The following UBE2QL1 variants were observed in gnomAD, a reference collection of about 807,000 sequenced individuals.
The protein encoded by UBE2QL1 is ubiquitin-conjugating enzyme E2Q-like protein 1.
A neutral mutation model predicts 12.6 loss-of-function variants in UBE2QL1; 5 were observed. That is an observed-to-expected ratio of 0.40 (90% CI 0.21 to 0.83). UBE2QL1 has a LOEUF of 0.83. Ranked by LOEUF, UBE2QL1 falls within the 40% of genes least tolerant of loss-of-function variation. UBE2QL1 has a pLI of 0.37. For synonymous variants in UBE2QL1, 96 were observed against 94.5 expected (o/e 1.02, Z -0.10); for missense variants, 99 against 222.6 (o/e 0.44, Z 3.53).
chr5:6,464,966 A>G (rs996698668), intron 1 of UBE2QL1, among the ~76,000 whole-genome samples: 2 of 151,706 alleles, frequency 1.3e-5, no homozygotes, highest in South Asian at 2.1e-4. Context: ...CTTTTTAACT[A>G]TAACTAGCAT....
Position 6,476,083 on chromosome 5 carries a change from G to T in UBE2QL1, c.355-15135G>T, listed in dbSNP as rs1215784079. Among the ~76,000 whole-genome samples the T allele has an allele frequency of 1.3e-5, 2 of 152,152 alleles. No homozygotes were observed. The highest frequency in any genetic ancestry group is 2.9e-5 in the Non-Finnish European group (2 of 68,016). ...AACACTTTCAGGACTTCAAAATCAG[G>T]GTGGGGTATGCCTGCTTAGTCATGG... is the stretch of plus-strand genomic sequence containing the variant. On this transcript the variant is annotated intron_variant, in intron 1 of 1. Transcript: ENST00000399816. The surrounding 1 kb of genome is among the most constrained non-coding windows in gnomAD (Gnocchi z 4.9).
chr5:6,472,292 C>T (rs1372326907), intron 1 of UBE2QL1, among the ~76,000 whole-genome samples: 1 of 152,210 alleles, frequency 6.6e-6, no homozygotes, highest in East Asian at 1.9e-4. Flanking sequence ...TATGGCTACT[C>T]ACCTGCAAGT....
intron 1 of UBE2QL1, among the ~76,000 whole-genome samples, chr5:6,463,598 GTTATTATTA>G (rs149126743): frequency 0.016 from 2,246 of 137,284 alleles, 39 homozygotes; most frequent in African/African-American, 0.048. Context: ...TATTTGTGCT[GTTATTATTA>G]TTATTATTAT....
chr5:6,476,221 A>ACAC lies in UBE2QL1; in HGVS notation c.355-14995_355-14993dup, dbSNP rs1352096577. ...GGGTCCCGATGTTTGTGCAGAGGAG[A>ACAC]CACCTCTGCTGCCTCTGCAGAGCCT... On this transcript the variant is annotated intron_variant, in intron 1 of 1. Coordinates refer to ENST00000399816, the MANE Select transcript of UBE2QL1 (RefSeq NM_001145161.3). This position sits in a 1 kb window ranked among gnomAD's most constrained non-coding sequence, Gnocchi z 4.9. Among the ~76,000 whole-genome samples the ACAC allele has an allele frequency of 6.6e-6, 1 of 151,922 alleles. No individual in the cohort carries two copies. Among genetic ancestry groups the ACAC allele is most frequent in the Non-Finnish European group, 1.5e-5 (1 of 67,968 alleles).
chr5:6,483,484 G>A (rs772953112), intron 1 of UBE2QL1, among the ~76,000 whole-genome samples: 33 of 151,986 alleles, frequency 2.2e-4, no homozygotes, highest in South Asian at 1.5e-3. Context: ...TGTGATGCAC[G>A]GCAGGTGTGT....
intron 1 of UBE2QL1, among the ~76,000 whole-genome samples, chr5:6,459,361 G>T (rs896986340): frequency 6.6e-6 from 1 of 152,178 alleles, no homozygotes; most frequent in African/African-American, 2.4e-5. Flanking sequence ...ATTTAAGAGG[G>T]TATCCTGGCA....
intron 1 of UBE2QL1, among the ~76,000 whole-genome samples, chr5:6,485,659 T>C (rs994995391): frequency 6.6e-6 from 1 of 152,210 alleles, no homozygotes; most frequent in African/African-American, 2.4e-5. Context: ...CTCTGTAATT[T>C]TGGCTCAGGA....
rs537715301 is a variant in UBE2QL1, at chr5:6,456,671, C to T, written c.354+7424C>T. Among the ~76,000 whole-genome samples the T allele has an allele frequency of 4.6e-5, 7 of 152,288 alleles. 1 individual carries two copies. Among genetic ancestry groups the T allele is most frequent in the Admixed American group, 2.0e-4 (3 of 15,298 alleles). On this transcript the variant is annotated intron_variant, in intron 1 of 1. Coordinates refer to ENST00000399816, the MANE Select transcript of UBE2QL1 (RefSeq NM_001145161.3). ...CCCATGACGACCCTTCCCCATTCTG[C>T]GTAACGTCTGCGACCCTCCCCTGGT...
In UBE2QL1 at chr5:6,492,062, A is replaced by G. The variant is rs1380920511; in HGVS notation, c.*713A>G. On this transcript the variant is annotated 3_prime_UTR_variant, in exon 2 of 2. Coordinates refer to ENST00000399816, the MANE Select transcript of UBE2QL1 (RefSeq NM_001145161.3). ...TGCCATTAGATGGAAGGCAGAGGAT[A>G]CTGCGACCACCCCTGGCAGACGGTG... 2 of 152,244 alleles carry G rather than the reference A, an allele frequency of 1.3e-5. No homozygotes were observed. The highest frequency in any genetic ancestry group is 4.8e-5 in the African/African-American group (2 of 41,456). The allele number at this position is 152,244 out of a possible 1,614,324, so 9.4% of individuals were successfully genotyped here.
At chr5:6,477,456 C>T (rs537759763) in intron 1 of UBE2QL1, among the ~76,000 whole-genome samples, 1 of 152,310 alleles carries the variant, frequency 6.6e-6, no homozygotes, top group African/African-American at 2.4e-5. Context: ...TAGGTGTGCC[C>T]GGAGGCCCTA....
chr5:6,464,606 G>A (rs1213379782), intron 1 of UBE2QL1, among the ~76,000 whole-genome samples: 3 of 152,312 alleles, frequency 2.0e-5, no homozygotes, highest in Non-Finnish European at 4.4e-5. Flanking sequence ...ACAAGGAGAT[G>A]ACTTACGGCG....
chr5:6,486,612 A>G (rs1050165183), intron 1 of UBE2QL1, among the ~76,000 whole-genome samples: 1 of 152,190 alleles, frequency 6.6e-6, no homozygotes, highest in Non-Finnish European at 1.5e-5. Context: ...AAGTTCCATA[A>G]GGAGCAGAAT....
At chr5:6,453,179 C>T (rs1187371432) in intron 1 of UBE2QL1, among the ~76,000 whole-genome samples, 2 of 152,286 alleles carry the variant, frequency 1.3e-5, no homozygotes, top group East Asian at 3.9e-4. Flanking sequence ...TGGTTCTGCT[C>T]TTTTGATGGT....
rs1195202112 is a variant in UBE2QL1 at position 6,492,267 on chromosome 5, T to C, written c.*918T>C. 1 of 152,246 alleles carries C rather than the reference T, an allele frequency of 6.6e-6. No individual in the cohort carries two copies. The highest frequency in any genetic ancestry group is 1.9e-4 in the East Asian group (1 of 5,194). The allele number at this position is 152,246 out of a possible 1,614,324, so 9.4% of individuals were successfully genotyped here. A position where few individuals can be genotyped will look rare whatever the true frequency, so the allele number is the denominator to read the frequency against. ...CAGTCATCTGACTCATTTTAATATC[T>C]GTGCTAGTGACAATGAATGTCAGAA... On this transcript the variant is annotated 3_prime_UTR_variant, in exon 2 of 2. Transcript: ENST00000399816.
rs1014857474 is a variant in UBE2QL1 at position 6,481,436 on chromosome 5, G to T, written c.355-9782G>T. Among the ~76,000 whole-genome samples, 2 of 152,108 alleles carry T rather than the reference G, an allele frequency of 1.3e-5. No homozygotes were observed. Among genetic ancestry groups the T allele is most frequent in the Non-Finnish European group, 2.9e-5 (2 of 68,018 alleles). ...GGTGCAGGGAGGGTGACCTGCTCAC[G>T]GGCCTATGGCTAGAGAGCAGAGAGG... On this transcript the variant is annotated intron_variant, in intron 1 of 1. Coordinates refer to ENST00000399816, the MANE Select transcript of UBE2QL1 (RefSeq NM_001145161.3). This position sits in a 1 kb window ranked among gnomAD's most constrained non-coding sequence, Gnocchi z 4.5.
chr5:6,485,949 T>C (rs1002336850), intron 1 of UBE2QL1, among the ~76,000 whole-genome samples: 1 of 152,186 alleles, frequency 6.6e-6, no homozygotes, highest in Non-Finnish European at 1.5e-5. Flanking sequence ...ACTGAATACG[T>C]CATAAAATCT....
rs898662295 is a variant in UBE2QL1 at position 6,495,043 on chromosome 5, G to A, written c.*3694G>A. The A allele has an allele frequency of 6.6e-6, 1 of 152,246 alleles. No individual in the cohort carries two copies. Among genetic ancestry groups the A allele is most frequent in the Non-Finnish European group, 1.5e-5 (1 of 68,070 alleles). 9.4% of individuals were successfully genotyped at this position (152,246 alleles called of 1,614,324 possible). On this transcript the variant is annotated 3_prime_UTR_variant, in exon 2 of 2. Transcript: ENST00000399816. Reference sequence around the variant, plus strand: ...AGAAAGATTTCATGGAGTAAATCAGGTTTGAGCCATGGCTGGGCAAAGGGA... The same window carrying A: ...AGAAAGATTTCATGGAGTAAATCAGATTTGAGCCATGGCTGGGCAAAGGGA...
intron 1 of UBE2QL1, among the ~76,000 whole-genome samples, chr5:6,468,029 G>A (rs1307681612): frequency 2.0e-5 from 3 of 152,162 alleles, no homozygotes; most frequent in East Asian, 3.9e-4. Context: ...ACAGGGACTC[G>A]ATCCATCTTC....
Position 6,449,112 on chromosome 5 carries a change from C to T in UBE2QL1, c.219C>T (p.Ser73=). 6.5e-7 allele frequency: 1 copy of T among 1,547,510 alleles called. No homozygotes were observed. Among genetic ancestry groups the T allele is most frequent in the South Asian group, 1.2e-5 (1 of 83,166 alleles). ...CGCCGCCCTTCATGCGGGTGCTCAG[C>T]CCGCGCCTGGAGAACGGCTACGTGC... ...PFSPPFMRVL[S]PRLENGYVLD... Residue 73 remains serine, a synonymous_variant, in exon 1 of 2, where the codon AGC becomes AGT. Transcript: ENST00000399816.
Sources: gnomAD v4.1 joint callset for allele counts (sites outside exome capture counted in the v4.1 genomes callset) on GRCh38, gnomAD v4.1.1 for gene constraint, Gnocchi (gnomAD v3.1) non-coding constraint, MANE v1.5 for transcripts, NCBI Gene and HGNC (gene_info 2026-07-23, HGNC 2026-07-21) for gene names.